CCDC178: variants seen among roughly 807,000 people sequenced by gnomAD.
The protein encoded by CCDC178 is coiled-coil domain containing 178.
CCDC178 carries 126 observed loss-of-function variants against 117.4 expected under a neutral mutation model. The ratio of observed to expected loss-of-function variants is 1.07; its 90% CI spans 0.93 to 1.24. CCDC178 has a LOEUF of 1.24. Among genes scored for constraint, CCDC178 ranks in the 50% most tolerant of loss-of-function variants. The pLI, the probability that CCDC178 is intolerant of heterozygous loss-of-function variation, is 0.00. For missense variants in CCDC178, 1,030 were observed against 986.9 expected (o/e 1.04, Z -0.59); for synonymous variants, 283 against 313.4 (o/e 0.90, Z 1.02).
chr18:33,348,920 C>G lies in CCDC178; in HGVS notation c.427G>C (p.Val143Leu), dbSNP rs1047862111. The G allele has an allele frequency of 2.5e-6, 4 of 1,610,480 alleles. No individual in the cohort carries two copies. The highest frequency in any genetic ancestry group is 3.4e-6 in the Non-Finnish European group (4 of 1,178,050). ...TTTTCTCCTGGTTTGACCTCTTTCA[C>G]TGGTGTAGTTACACTCCAATCTTCT... Reference protein sequence around the residue: ...LKEDWSVTTPVKEVKPGEKRD... With the variant: ...LKEDWSVTTPLKEVKPGEKRD... Residue 143 changes from valine (V) to leucine (L), a missense_variant, in exon 8 of 23, where the codon GTG (valine) becomes CTG (leucine). By Grantham distance (32) the Val-to-Leu change is conservative (BLOSUM62 1). Transcript: ENST00000383096.
At chr18:33,067,941 G>GA (rs1360362626) in intron 21 of CCDC178, among the ~76,000 whole-genome samples, 1 of 151,556 alleles carries the variant, frequency 6.6e-6, no homozygotes, top group African/African-American at 2.4e-5. Context: ...TAGAGACAAA[G>GA]AAAAAAAGAG....
intron 21 of CCDC178, among the ~76,000 whole-genome samples, chr18:33,066,068 G>A (rs1390562118): frequency 6.6e-6 from 1 of 151,774 alleles, no homozygotes; most frequent in Non-Finnish European, 1.5e-5. Context: ...TTACCGTGTT[G>A]GCCAGGATGG....
chr18:33,093,410 T>A (rs1165380604), intron 20 of CCDC178, among the ~76,000 whole-genome samples: 1 of 151,974 alleles, frequency 6.6e-6, no homozygotes, highest in Non-Finnish European at 1.5e-5. Flanking sequence ...GAGGAAAGAG[T>A]AAAAGACAAA....
chr18:33,400,772 C>T (rs1019909348), intron 3 of CCDC178, among the ~76,000 whole-genome samples: 2 of 152,160 alleles, frequency 1.3e-5, no homozygotes, highest in Non-Finnish European at 2.9e-5. Flanking sequence ...TGGAGTAGCA[C>T]GTTTAATTCC....
intron 20 of CCDC178, among the ~76,000 whole-genome samples, chr18:33,148,689 G>A (rs1020065767): frequency 2.6e-5 from 4 of 152,104 alleles, no homozygotes; most frequent in Admixed American, 2.0e-4. Context: ...TGCGACTGAG[G>A]ATATGCAGAT....
At chr18:33,340,753 A>T (rs546773116) in intron 9 of CCDC178, among the ~76,000 whole-genome samples, 1 of 152,348 alleles carries the variant, frequency 6.6e-6, no homozygotes, top group South Asian at 2.1e-4. Context: ...CTGTGAGTGC[A>T]CAGAAGTCAA....
At chr18:33,288,327 T>C (rs1307776379) in intron 12 of CCDC178, among the ~76,000 whole-genome samples, 5 of 80,202 alleles carry the variant, frequency 6.2e-5, no homozygotes, top group African/African-American at 1.1e-4. Flanking sequence ...CCCCTCCTCT[T>C]CCCTCCTCTC....
chr18:33,132,502 A>G (rs889997294), intron 20 of CCDC178, among the ~76,000 whole-genome samples: 1 of 151,684 alleles, frequency 6.6e-6, no homozygotes, highest in Non-Finnish European at 1.5e-5. Context: ...TTATATAATA[A>G]TATTTGCACT....
intron 20 of CCDC178, among the ~76,000 whole-genome samples, chr18:33,113,049 G>A (rs2057805202): frequency 6.6e-6 from 1 of 151,774 alleles, no homozygotes; most frequent in African/African-American, 2.4e-5. Context: ...CTCCTTATAA[G>A]AAAATTCTTT....
intron 6 of CCDC178, among the ~76,000 whole-genome samples, chr18:33,364,569 G>C (rs1377178445): frequency 6.6e-6 from 1 of 151,948 alleles, no homozygotes; most frequent in Admixed American, 6.6e-5. Flanking sequence ...ACAGAATGCT[G>C]AGAGAAGACA....
intron 20 of CCDC178, among the ~76,000 whole-genome samples, chr18:33,112,163 A>C (rs1386562635): frequency 6.6e-6 from 1 of 151,762 alleles, no homozygotes; most frequent in Non-Finnish European, 1.5e-5. Flanking sequence ...ATTTTCAATA[A>C]GAAAAAATCA....
At chr18:33,000,218 A>C (rs2055602822) in intron 21 of CCDC178, among the ~76,000 whole-genome samples, 1 of 152,026 alleles carries the variant, frequency 6.6e-6, no homozygotes, top group Non-Finnish European at 1.5e-5. Context: ...AATGCATCAG[A>C]GTCTCTTAGC....
intron 5 of CCDC178, among the ~76,000 whole-genome samples, chr18:33,388,216 A>T (rs1249446287): frequency 6.6e-6 from 1 of 152,188 alleles, no homozygotes; most frequent in Non-Finnish European, 1.5e-5. Context: ...AAGAAACAAC[A>T]GATGCTAGTG....
intron 21 of CCDC178, among the ~76,000 whole-genome samples, chr18:33,063,393 A>G (rs2056961382): frequency 6.6e-6 from 1 of 151,864 alleles, no homozygotes; most frequent in South Asian, 2.1e-4. Context: ...CTGCCCATAA[A>G]CTCTGTTCAG....
At chr18:33,073,539 C>CTATATATA (rs1405106094) in intron 21 of CCDC178, among the ~76,000 whole-genome samples, 1 of 149,160 alleles carries the variant, frequency 6.7e-6, no homozygotes, top group African/African-American at 2.5e-5. Context: ...ATCTATCTAT[C>CTATATATA]TATCTATCTA....
At chr18:33,205,240 G>T (rs1424836752) in intron 20 of CCDC178, among the ~76,000 whole-genome samples, 2 of 151,836 alleles carry the variant, frequency 1.3e-5, no homozygotes, top group Non-Finnish European at 2.9e-5. Flanking sequence ...TCATACAAAT[G>T]AATCACTAAA....
At chr18:33,012,525 T>C (rs1379808920) in intron 21 of CCDC178, among the ~76,000 whole-genome samples, 3 of 152,174 alleles carry the variant, frequency 2.0e-5, no homozygotes, top group Non-Finnish European at 4.4e-5. Flanking sequence ...AATCTTGGCA[T>C]TGGAAGAGAA....
At position 33,151,708 on chromosome 18, in the gene CCDC178, C is replaced by T. The variant is rs139468435; in HGVS notation, c.2239-58798G>A. On this transcript the variant is annotated intron_variant, in intron 20 of 22. Transcript: ENST00000383096. ...TTTCTCATTTCTGTATCTGTCAAATCGGGATAATAATATTAACACCAACGA... is the reference window on the plus strand; with the variant it reads ...TTTCTCATTTCTGTATCTGTCAAATTGGGATAATAATATTAACACCAACGA... 2.3e-3 allele frequency among the ~76,000 whole-genome samples: 351 copies of T among 152,170 alleles called. 1 individual carries two copies. The highest frequency in any genetic ancestry group is 7.9e-3 in the African/African-American group (327 of 41,540).
chr18:33,308,407 C>T (rs1006310853), intron 11 of CCDC178, among the ~76,000 whole-genome samples: 12 of 152,110 alleles, frequency 7.9e-5, no homozygotes, highest in African/African-American at 2.4e-4. Flanking sequence ...AATGCTTGTA[C>T]CCCCATTGTG....
Sources: allele counts gnomAD v4.1 joint callset (sites outside exome capture counted in the v4.1 genomes callset), GRCh38; gene constraint gnomAD v4.1.1; transcripts MANE v1.5; gene names NCBI Gene and HGNC (gene_info 2026-07-23, HGNC 2026-07-21).